The following STX8 variants were observed in gnomAD, a reference collection of about 807,000 sequenced individuals.
The protein encoded by STX8 is syntaxin-8.
In STX8, 23 loss-of-function variants were observed where a neutral mutation model predicts 37.5. That is an observed-to-expected ratio of 0.61 (90% CI 0.44 to 0.87). The LOEUF is 0.87. STX8 is among the 40% of genes least tolerant of loss of function. STX8 has a pLI of 0.00. For missense variants in STX8, 313 were observed against 284.7 expected (o/e 1.10, Z -0.71); for synonymous variants, 115 against 99.1 (o/e 1.16, Z -0.95).
intron 3 of STX8, chr17:9,554,457 A>G (rs993069260): frequency 8.5e-5 from 13 of 152,204 alleles, no homozygotes; most frequent in African/African-American, 2.9e-4. Context: ...ATAGATTGCT[A>G]TCTATCTTAA....
intron 4 of STX8, among the ~76,000 whole-genome samples, chr17:9,533,194 C>T (rs1467280644): frequency 3.9e-5 from 6 of 152,196 alleles, no homozygotes; most frequent in Admixed American, 2.6e-4. Context: ...AGGCTGGTCA[C>T]GATGGCTCAC....
At chr17:9,352,815 CAT>C (rs1910755670) in intron 7 of STX8, among the ~76,000 whole-genome samples, 1 of 152,066 alleles carries the variant, frequency 6.6e-6, no homozygotes, top group Non-Finnish European at 1.5e-5. Context: ...CTCATGGACT[CAT>C]GGATGCATTT....
Position 9,329,941 on chromosome 17 carries a change from C to T in STX8, c.643+48611G>A, listed in dbSNP as rs184007704. Among the ~76,000 whole-genome samples the T allele has an allele frequency of 2.0e-3, 308 of 152,136 alleles. 1 individual carries two copies. Among genetic ancestry groups the T allele is most frequent in the African/African-American group, 6.8e-3 (284 of 41,472 alleles). On this transcript the variant is annotated intron_variant, in intron 7 of 7. Coordinates refer to ENST00000306357, the MANE Select transcript of STX8 (RefSeq NM_004853.3). ...GGGTCAGATTGGAAGCAGCAGACCCCGAAGCGTGCTGATCCTGAGGCAGAG... is the reference window on the plus strand; with the variant it reads ...GGGTCAGATTGGAAGCAGCAGACCCTGAAGCGTGCTGATCCTGAGGCAGAG...
chr17:9,441,171 T>C (rs1426397262), intron 6 of STX8, among the ~76,000 whole-genome samples: 1 of 152,054 alleles, frequency 6.6e-6, no homozygotes, highest in Non-Finnish European at 1.5e-5. Context: ...TGCAAAAAGA[T>C]TAAAATGAGA....
At chr17:9,568,348 T>G in intron 2 of STX8, 23 bp downstream of exon 2, 1 of 1,576,790 alleles carries the variant, frequency 6.3e-7, no homozygotes, top group East Asian at 2.2e-5. Context: ...AATCATTGGG[T>G]ACTAATTCCT....
chr17:9,572,262 G>A (rs896534725), intron 1 of STX8, among the ~76,000 whole-genome samples: 4 of 152,108 alleles, frequency 2.6e-5, no homozygotes, highest in Admixed American at 1.3e-4. Context: ...GTTAAACAGC[G>A]AGCTTACCAC....
intron 6 of STX8, among the ~76,000 whole-genome samples, chr17:9,387,277 G>A (rs1438459582): frequency 6.6e-6 from 1 of 151,998 alleles, no homozygotes; most frequent in Admixed American, 6.6e-5. Context: ...TTTATATATA[G>A]TAGCATATGT....
intron 2 of STX8, among the ~76,000 whole-genome samples, chr17:9,563,156 T>C (rs537858796): frequency 1.2e-4 from 6 of 51,610 alleles, no homozygotes; most frequent in South Asian, 5.0e-4. Context: ...TTCATCCATT[T>C]ATTTATTTAT....
intron 7 of STX8, among the ~76,000 whole-genome samples, chr17:9,315,675 C>G (rs150711891): frequency 5.1e-4 from 78 of 152,240 alleles, no homozygotes; most frequent in Non-Finnish European, 1.0e-3. Flanking sequence ...CTTTTGGTTT[C>G]TATCGGAGGC....
chr17:9,568,504 A>C, intron 1 of STX8, 34 bp from the exon 2 acceptor site: 1 of 1,577,880 alleles, frequency 6.3e-7, no homozygotes, highest in Non-Finnish European at 8.7e-7. Flanking sequence ...AAAATGTTTA[A>C]GGTTCTTTTT....
intron 7 of STX8, among the ~76,000 whole-genome samples, chr17:9,287,249 TCAGGTTCTCCTG>T (rs1181934776): frequency 6.6e-6 from 1 of 152,070 alleles, no homozygotes; most frequent in African/African-American, 2.4e-5. Flanking sequence ...GCAGGCTCCA[TCAGGTTCTCCTG>T]CAGGTGAGGC....
intron 6 of STX8, among the ~76,000 whole-genome samples, chr17:9,448,196 T>A (rs528603272): frequency 2.7e-5 from 4 of 149,040 alleles, no homozygotes; most frequent in African/African-American, 9.9e-5. Context: ...AAAAGTTTGA[T>A]CCTCATTATT....
At chr17:9,258,910 A>G (rs1002142103) in intron 7 of STX8, among the ~76,000 whole-genome samples, 1 of 152,154 alleles carries the variant, frequency 6.6e-6, no homozygotes, top group Non-Finnish European at 1.5e-5. Context: ...CATGTCCTCC[A>G]TGAAGACTGC....
intron 3 of STX8, among the ~76,000 whole-genome samples, chr17:9,549,526 A>G (rs1165383440): frequency 6.6e-6 from 1 of 152,206 alleles, no homozygotes; most frequent in Non-Finnish European, 1.5e-5. Flanking sequence ...TTTCCACCAA[A>G]CATTCTGCAG....
At chr17:9,286,500 G>T (rs1162159281) in intron 7 of STX8, among the ~76,000 whole-genome samples, 1 of 152,104 alleles carries the variant, frequency 6.6e-6, no homozygotes, top group Non-Finnish European at 1.5e-5. Flanking sequence ...ACTTAAAAAA[G>T]GTTTGGTAGG....
intron 6 of STX8, among the ~76,000 whole-genome samples, chr17:9,396,701 T>TG (rs1912416005): frequency 7.5e-6 from 1 of 132,494 alleles, no homozygotes; most frequent in African/African-American, 2.9e-5. Context: ...GCAACAAGAG[T>TG]GAAACACCAT....
At chr17:9,327,241 A>AGAGGAGGAAG (rs1909793278) in intron 7 of STX8, among the ~76,000 whole-genome samples, 1 of 146,356 alleles carries the variant, frequency 6.8e-6, no homozygotes, top group Non-Finnish European at 1.5e-5. Flanking sequence ...GAAGGAGGAC[A>AGAGGAGGAAG]GAGGAGGAAG....
rs558652193 is a variant in STX8 at position 9,351,121 on chromosome 17, T to C, written c.643+27431A>G. On this transcript the variant is annotated intron_variant, in intron 7 of 7. Transcript: ENST00000306357. ...CCAATGTTAAATGGTGAATAATGAA[T>C]GTTTTTAATGTGGTTATATGTAATA... is the stretch of plus-strand genomic sequence containing the variant. 1.4e-4 allele frequency among the ~76,000 whole-genome samples: 21 copies of C among 151,940 alleles called. No individual in the cohort carries two copies. The South Asian group carries it at 4.0e-3, about 29-fold the overall frequency.
intron 6 of STX8, among the ~76,000 whole-genome samples, chr17:9,382,371 C>T (rs1297987758): frequency 1.3e-5 from 2 of 152,176 alleles, no homozygotes; most frequent in African/African-American, 4.8e-5. Flanking sequence ...TATCAATAGT[C>T]ACATTAATGT....
Sources: allele counts gnomAD v4.1 joint callset (sites outside exome capture counted in the v4.1 genomes callset), GRCh38; gene constraint gnomAD v4.1.1; transcripts MANE v1.5; gene names NCBI Gene and HGNC (gene_info 2026-07-23, HGNC 2026-07-21).